NHLRC2: variants seen among roughly 807,000 people sequenced by gnomAD.
The protein encoded by NHLRC2 is NHL repeat containing 2.
Under a neutral mutation model 68.1 loss-of-function variants are expected in NHLRC2, and 33 were observed. The observed-to-expected ratio is 0.48, with a 90% CI of 0.37 to 0.65. NHLRC2 has a LOEUF of 0.65. Among genes scored for constraint, NHLRC2 ranks in the 30% least tolerant of loss-of-function variants. The pLI is 0.00. For missense variants in NHLRC2, 761 were observed against 853.8 expected (o/e 0.89, Z 1.35); for synonymous variants, 311 against 309.6 (o/e 1.00, Z -0.05).
Position 113,898,207 on chromosome 10 carries a change from A to G in NHLRC2, c.1137A>G (p.Lys379=). The part of the protein sequence containing the change: ...LLLDSGKLPK[K]NELTKGTCLR... ...TGGACTCTGGCAAACTGCCAAAGAA[A>G]AAGTAAGTGACAGCCTCTCTCTTTG... is the stretch of plus-strand genomic sequence containing the variant. The change falls in exon 6 of 11, where the codon AAA becomes AAG. Residue 379 remains lysine, a splice_region_variant and synonymous_variant. Transcript: ENST00000369301. 6.2e-7 allele frequency: 1 copy of G among 1,602,112 alleles called. No individual in the cohort carries two copies. Among genetic ancestry groups the G allele is most frequent in the Non-Finnish European group, 8.6e-7 (1 of 1,169,224 alleles).
At chr10:113,857,321 C>G (rs73345579) in intron 1 of NHLRC2, among the ~76,000 whole-genome samples, 9,847 of 151,986 alleles carry the variant, frequency 0.065, 1,016 homozygotes, top group African/African-American at 0.22. Flanking sequence ...ATTAATTAGT[C>G]TGAAGTTTTG....
Position 113,908,921 on chromosome 10 carries a change from C to CA in NHLRC2, c.*385_*386insA. ...ACCTTTATTAATAGCAATCAGCACA[C>CA]TTGAATGTGTAAATTTCACAGTAAC... On this transcript the variant is annotated 3_prime_UTR_variant, in exon 11 of 11. Coordinates refer to ENST00000369301, the MANE Select transcript of NHLRC2 (RefSeq NM_198514.4). 1 of 170,076 alleles carries CA rather than the reference C, an allele frequency of 5.9e-6. No individual in the cohort carries two copies. Among genetic ancestry groups the CA allele is most frequent in the South Asian group, 1.5e-4 (1 of 6,478 alleles). The allele number at this position is 170,076 out of a possible 1,614,324, so 10.5% of individuals were successfully genotyped here.
In NHLRC2 at chr10:113,901,728, A is replaced by G; in HGVS notation, c.1202A>G (p.Asn401Ser). ...AGSGNEENRN[N>S]AYPHKAGFAQ... ...AGTGGAAATGAAGAGAATCGAAACA[A>G]TGCCTATCCTCACAAGGCAGGTTTT... The change falls in exon 7 of 11, where the codon AAT becomes AGT. Residue 401 changes from asparagine to serine, a missense_variant. Coordinates refer to ENST00000369301, the MANE Select transcript of NHLRC2 (RefSeq NM_198514.4). 1.2e-6 allele frequency: 2 copies of G among 1,614,206 alleles called. No individual in the cohort carries two copies. Among genetic ancestry groups the G allele is most frequent in the Non-Finnish European group, 8.5e-7 (1 of 1,180,010 alleles).
intron 2 of NHLRC2, among the ~76,000 whole-genome samples, chr10:113,871,213 A>G (rs1845921869): frequency 6.6e-6 from 1 of 151,894 alleles, no homozygotes; most frequent in African/African-American, 2.4e-5. Flanking sequence ...TAGTAGAGAC[A>G]GAGTTTCTCC....
intron 8 of NHLRC2, 68 bp downstream of exon 8, chr10:113,902,661 G>C: frequency 1.5e-6 from 2 of 1,379,228 alleles, no homozygotes; most frequent in South Asian, 2.5e-5. Flanking sequence ...TGAAAGATCT[G>C]TGAGCCTCCT....
intron 2 of NHLRC2, among the ~76,000 whole-genome samples, chr10:113,871,015 C>CTTTTT (rs1169108158): frequency 1.5e-5 from 1 of 65,724 alleles, no homozygotes; most frequent in African/African-American, 6.7e-5. Context: ...CTTCCTGCAT[C>CTTTTT]TTTTTTTTTT....
chr10:113,877,327 A>G (rs1845993438), intron 3 of NHLRC2, among the ~76,000 whole-genome samples: 1 of 151,912 alleles, frequency 6.6e-6, no homozygotes, highest in African/African-American at 2.4e-5. Flanking sequence ...TTTAAGTAGA[A>G]GTATTATGTT....
rs1387161723 is a variant in NHLRC2 at position 113,911,230 on chromosome 10, CT to C, written c.*2695del. The C allele has an allele frequency of 3.9e-5, 6 of 152,024 alleles. No individual in the cohort carries two copies. Among genetic ancestry groups the C allele is most frequent in the African/African-American group, 1.4e-4 (6 of 41,508 alleles). The allele number at this position is 152,024 out of a possible 1,614,324, so 9.4% of individuals were successfully genotyped here. ...CTGCTGGTTTGTCGCTATTTTTTTC[CT>C]CTCCTCTTTATTATTTCACAAATGG... On this transcript the variant is annotated 3_prime_UTR_variant, in exon 11 of 11. Transcript: ENST00000369301.
intron 3 of NHLRC2, among the ~76,000 whole-genome samples, chr10:113,878,111 A>T (rs1846001793): frequency 6.6e-6 from 1 of 152,182 alleles, no homozygotes; most frequent in Non-Finnish European, 1.5e-5. Context: ...TTAAAAAAGA[A>T]TTCTTTGGTC....
rs1846331783 is a variant in NHLRC2, at chr10:113,911,772, A to G, written c.*3236A>G. 6.6e-6 allele frequency: 1 copy of G among 152,192 alleles called. No homozygotes were observed. Among genetic ancestry groups the G allele is most frequent in the African/African-American group, 2.4e-5 (1 of 41,470 alleles). 9.4% of individuals were successfully genotyped at this position (152,192 alleles called of 1,614,324 possible). On this transcript the variant is annotated 3_prime_UTR_variant, in exon 11 of 11. Coordinates refer to ENST00000369301, the MANE Select transcript of NHLRC2 (RefSeq NM_198514.4). ...ACCACAATCATCAAAATCTACTTAA[A>G]TTCTATAGTTAACAGTTACATAAGA...
intron 2 of NHLRC2, among the ~76,000 whole-genome samples, chr10:113,874,442 TTGTGTGTGTGTGTGTGTGTG>T (rs58207579): frequency 1.7e-3 from 214 of 125,746 alleles, no homozygotes; most frequent in East Asian, 0.014. Context: ...AGGCATGTGT[TTGTGTGTGTGTGTGTGTGTG>T]TGTGTGTGTG....
chr10:113,868,341 A>G (rs1036629534), intron 2 of NHLRC2, among the ~76,000 whole-genome samples: 1 of 151,850 alleles, frequency 6.6e-6, no homozygotes, highest in African/African-American at 2.4e-5. Flanking sequence ...TTTGATCCCT[A>G]TGTTGGCAAA....
intron 5 of NHLRC2, among the ~76,000 whole-genome samples, chr10:113,897,150 A>G (rs1198826835): frequency 6.6e-6 from 1 of 152,030 alleles, no homozygotes; most frequent in East Asian, 1.9e-4. Context: ...TTGCTTGGTC[A>G]TTTCCATAGT....
intron 1 of NHLRC2, 70 bp from the exon 2 acceptor site, chr10:113,858,458 T>G (rs963087221): frequency 8.0e-6 from 9 of 1,122,368 alleles, no homozygotes; most frequent in Non-Finnish European, 1.2e-5. Flanking sequence ...AGGTCACATT[T>G]TAATGGAAAG....
chr10:113,868,306 TG>T (rs1166627055), intron 2 of NHLRC2, among the ~76,000 whole-genome samples: 1 of 152,232 alleles, frequency 6.6e-6, no homozygotes, highest in Non-Finnish European at 1.5e-5. Flanking sequence ...TCCTTTCTTC[TG>T]TATTTTCTCT....
chr10:113,901,478 A>T (rs1184438995), intron 6 of NHLRC2, among the ~76,000 whole-genome samples, 188 bp from the exon 7 acceptor site: 2 of 152,220 alleles, frequency 1.3e-5, no homozygotes, highest in Non-Finnish European at 2.9e-5. Flanking sequence ...ACAGTGGGTA[A>T]ATAAGTTAAT....
intron 1 of NHLRC2, 120 bp downstream of exon 1, chr10:113,855,170 C>G: frequency 1.1e-6 from 1 of 879,802 alleles, no homozygotes; most frequent in South Asian, 1.5e-5. Context: ...GGGGAGTGGC[C>G]CTTCGCCTAA....
At chr10:113,888,384 G>C (rs1846101642) in intron 5 of NHLRC2, among the ~76,000 whole-genome samples, 1 of 152,084 alleles carries the variant, frequency 6.6e-6, no homozygotes, top group Non-Finnish European at 1.5e-5. Context: ...TCTTTCTACA[G>C]TATACACATA....
chr10:113,889,130 AC>A (rs1428285389), intron 5 of NHLRC2, among the ~76,000 whole-genome samples: 2 of 151,760 alleles, frequency 1.3e-5, no homozygotes, highest in Non-Finnish European at 2.9e-5. Context: ...CCCAGCCAAA[AC>A]CCCTATCAGT....
Sources: gnomAD v4.1 joint callset for allele counts (sites outside exome capture counted in the v4.1 genomes callset) on GRCh38, gnomAD v4.1.1 for gene constraint, MANE v1.5 for transcripts, NCBI Gene and HGNC (gene_info 2026-07-23, HGNC 2026-07-21) for gene names.